Variants in CLRN1 observed in about 807,000 individuals in gnomAD.
The protein encoded by CLRN1 is clarin 1.
A neutral mutation model predicts 18.7 loss-of-function variants in CLRN1; 15 were observed. That is an observed-to-expected ratio of 0.80 (90% CI 0.54 to 1.23). CLRN1 has a LOEUF of 1.23. Among genes scored for constraint, CLRN1 ranks in the 50% most tolerant of loss-of-function variants. The pLI, the probability that CLRN1 is intolerant of heterozygous loss-of-function variation, is 0.00. For synonymous variants in CLRN1, 104 were observed against 102.9 expected, an observed-to-expected ratio of 1.01 and a Z score of -0.07; for missense variants, 311 against 277.5, an observed-to-expected ratio of 1.12 and a Z score of -0.86.
In CLRN1 at chr3:150,972,652, T is replaced by C; in HGVS notation, c.57A>G (p.Ala19=). ...IFCMAGVFSF[A]CALGVVTALG... is the part of the protein sequence containing the mutation. ...AGGCTGTCACAACTCCGAGGGCACA[T>C]GCAAAACTGAACACTCCGGCCATGC... The change falls in exon 1 of 3, where the codon GCA becomes GCG. Residue 19 remains alanine (A), a synonymous_variant. Transcript: ENST00000327047. 6.2e-7 allele frequency: 1 copy of C among 1,614,094 alleles called. No homozygotes were observed. The highest frequency in any genetic ancestry group is 2.2e-5 in the East Asian group (1 of 44,884).
At chr3:150,948,922 C>A (rs1048371886) in intron 1 of CLRN1, among the ~76,000 whole-genome samples, 2 of 152,114 alleles carry the variant, frequency 1.3e-5, no homozygotes, top group African/African-American at 4.8e-5. Context: ...AAACTTCAGG[C>A]CGATATCCGT....
intron 1 of CLRN1, among the ~76,000 whole-genome samples, chr3:150,956,120 T>C (rs1332481703): frequency 1.3e-5 from 2 of 152,228 alleles, no homozygotes; most frequent in Non-Finnish European, 2.9e-5. Context: ...GTTCGTCTTC[T>C]ATTGGTTCAG....
chr3:150,964,272 A>G (rs1333322755), intron 1 of CLRN1, among the ~76,000 whole-genome samples: 2 of 152,334 alleles, frequency 1.3e-5, no homozygotes, highest in East Asian at 3.9e-4. Context: ...TTCTCAAAAG[A>G]AGACATTTAT....
At chr3:150,944,869 A>G (rs750903122) in intron 1 of CLRN1, among the ~76,000 whole-genome samples, 5 of 152,224 alleles carry the variant, frequency 3.3e-5, no homozygotes, top group Non-Finnish European at 5.9e-5. Context: ...CTTGGGCCCC[A>G]GGATGGGAAG....
rs780412161 is a variant in CLRN1 at position 150,928,133 on chromosome 3, T to A, written c.502A>T (p.Ile168Phe). 6 of 1,613,416 alleles carry A rather than the reference T, an allele frequency of 3.7e-6. No individual in the cohort carries two copies. The highest frequency in any genetic ancestry group is 5.1e-6 in the Non-Finnish European group (6 of 1,179,916). ...TAAGTCCCTTCTTTATAATTTGCAA[T>A]TTTTTCTGAGAGGTGATGGATTTTC... ...EVKIHHLSEKIANYKEGTYVY... is the reference protein window; with the variant it reads ...EVKIHHLSEKFANYKEGTYVY... Residue 168 changes from isoleucine to phenylalanine, a missense_variant, in exon 3 of 3, where the codon ATT (isoleucine) becomes TTT (phenylalanine). Ile to Phe is a conservative substitution (Grantham distance 21). Coordinates refer to ENST00000327047, the MANE Select transcript of CLRN1 (RefSeq NM_174878.3).
downstream of CLRN1, chr3:150,926,339 G>A (rs1426593492): frequency 4.2e-5 from 9 of 214,752 alleles, no homozygotes; most frequent in African/African-American, 1.6e-4. Flanking sequence ...AAGAGTGCAG[G>A]GGGTACCTGG....
At chr3:150,953,134 CT>C (rs1337403976) in intron 1 of CLRN1, among the ~76,000 whole-genome samples, 5 of 152,084 alleles carry the variant, frequency 3.3e-5, no homozygotes, top group African/African-American at 1.2e-4. Flanking sequence ...TCTCTCTGTT[CT>C]TTTAGATTTA....
intron 1 of CLRN1, among the ~76,000 whole-genome samples, chr3:150,961,286 AT>A (rs1333557427): frequency 1.3e-5 from 2 of 152,122 alleles, no homozygotes; most frequent in Non-Finnish European, 2.9e-5. Context: ...TTGGCTGCAC[AT>A]TAGAGTCCCT....
At chr3:150,967,232 A>G (rs1715304373) in intron 1 of CLRN1, among the ~76,000 whole-genome samples, 1 of 152,208 alleles carries the variant, frequency 6.6e-6, no homozygotes, top group South Asian at 2.1e-4. Context: ...GGAAATACAC[A>G]TTCTCAAATA....
At chr3:150,966,336 C>G (rs1715262680) in intron 1 of CLRN1, among the ~76,000 whole-genome samples, 1 of 152,164 alleles carries the variant, frequency 6.6e-6, no homozygotes, top group African/African-American at 2.4e-5. Context: ...AACAAATACT[C>G]TTGGAGTGTT....
chr3:150,948,171 A>G (rs1358982301), intron 1 of CLRN1, among the ~76,000 whole-genome samples: 2 of 152,174 alleles, frequency 1.3e-5, no homozygotes, highest in East Asian at 3.8e-4. Context: ...AGAAGAGAAG[A>G]GAGAGGATTC....
At position 150,941,606 on chromosome 3, in the gene CLRN1, G is replaced by C. The variant is rs771375258; in HGVS notation, c.409C>G (p.Leu137Val). Residue 137 changes from leucine (L) to valine (V), a missense_variant, in exon 2 of 3, where the codon CTG becomes GTG. Physicochemically the swap from Leu to Val is conservative, Grantham distance 32. Transcript: ENST00000327047. ...PFETLHGPLGLYLLSFISGSC... is the reference protein window; with the variant it reads ...PFETLHGPLGVYLLSFISGSC... ...CCTGAAATGAAGCTCAAAAGGTACA[G>C]CCCTAGGGGACCATGCAGAGTTTCA... 1.9e-6 allele frequency: 3 copies of C among 1,613,916 alleles called. No individual in the cohort carries two copies. The African/African-American group carries it at 4.0e-5, about 22-fold the overall frequency.
intron 2 of CLRN1, among the ~76,000 whole-genome samples, chr3:150,938,589 GT>G (rs921310855): frequency 5.0e-4 from 75 of 148,990 alleles, no homozygotes; most frequent in African/African-American, 1.6e-3. Context: ...TGTTGTAACG[GT>G]TTTTTTTTTA....
At chr3:150,935,632 T>C (rs565465703) in intron 2 of CLRN1, among the ~76,000 whole-genome samples, 1 of 151,134 alleles carries the variant, frequency 6.6e-6, no homozygotes, top group South Asian at 2.1e-4. Context: ...TATAGCAGCA[T>C]GATTTATAGT....
chr3:150,950,985 T>G (rs983548867), intron 1 of CLRN1, among the ~76,000 whole-genome samples: 2 of 152,174 alleles, frequency 1.3e-5, no homozygotes, highest in Non-Finnish European at 2.9e-5. Flanking sequence ...AGATCATGTC[T>G]TTTGCAGGAA....
chr3:150,949,621 A>G (rs966395252), intron 1 of CLRN1, among the ~76,000 whole-genome samples: 2 of 152,216 alleles, frequency 1.3e-5, no homozygotes, highest in Non-Finnish European at 2.9e-5. Context: ...TACAATACCT[A>G]GGAATACAGC....
Position 150,927,887 on chromosome 3 carries a change from T to C in CLRN1, c.*49A>G. ...ATGCAAAATTAACCACATCTAAAAG[T>C]GACCAAAGCAAGTCTACTCCCTTGT... On this transcript the variant is annotated 3_prime_UTR_variant, in exon 3 of 3. Coordinates refer to ENST00000327047, the MANE Select transcript of CLRN1 (RefSeq NM_174878.3). 2 of 1,609,842 alleles carry C rather than the reference T, an allele frequency of 1.2e-6. No individual in the cohort carries two copies. Among genetic ancestry groups the C allele is most frequent in the Non-Finnish European group, 1.7e-6 (2 of 1,176,834 alleles).
upstream of CLRN1, chr3:150,972,958 A>T (rs1354561903): frequency 1.1e-5 from 7 of 614,606 alleles, no homozygotes; most frequent in Non-Finnish European, 2.1e-5. Flanking sequence ...TGGACTAAGA[A>T]TCTGTAAAAC....
At chr3:150,957,751 C>T (rs1032231047) in intron 1 of CLRN1, among the ~76,000 whole-genome samples, 3 of 152,120 alleles carry the variant, frequency 2.0e-5, no homozygotes, top group Admixed American at 6.5e-5. Flanking sequence ...CTCTGCCTCC[C>T]GGGTTCAAGC....
Sources: allele counts gnomAD v4.1 joint callset (sites outside exome capture counted in the v4.1 genomes callset), GRCh38; gene constraint gnomAD v4.1.1; transcripts MANE v1.5; gene names NCBI Gene and HGNC (gene_info 2026-07-23, HGNC 2026-07-21).